Variants in PTPRD observed in about 807,000 individuals in gnomAD.
PTPRD encodes the protein protein tyrosine phosphatase receptor type D.
Under a neutral mutation model 214.5 loss-of-function variants are expected in PTPRD, and 34 were observed. That is an observed-to-expected ratio of 0.16 (90% confidence interval 0.12 to 0.21). The LOEUF is 0.21. Among genes scored for constraint, PTPRD ranks in the 10% least tolerant of loss-of-function variants. PTPRD has a pLI of 1.00. For missense variants in PTPRD, 2,545 were observed against 2,398.7 expected (o/e 1.06, Z -1.27); for synonymous variants, 1,128 against 845.7 (o/e 1.33, Z -5.79).
At position 10,454,370 on chromosome 9, in the gene PTPRD, A is replaced by C. The variant is rs377723090; in HGVS notation, c.-599-113353T>G. The stretch of plus-strand genomic sequence containing the variant: ...AGGGTTTTACAGTCTAATCATGACA[A>C]TACATCTCCAGGATCCTTGAGCCAA... On this transcript the variant is annotated intron_variant, in intron 2 of 45. Transcript: ENST00000381196. Among the ~76,000 whole-genome samples, 11 of 151,586 alleles carry C rather than the reference A, an allele frequency of 7.3e-5. No homozygotes were observed. In the East Asian group the frequency reaches 1.9e-3, roughly 27 times the overall value.
At chr9:8,718,761 C>A (rs1016353532) in intron 12 of PTPRD, among the ~76,000 whole-genome samples, 2 of 152,160 alleles carry the variant, frequency 1.3e-5, no homozygotes, top group East Asian at 3.9e-4. Flanking sequence ...GACCATAGTT[C>A]GTTCTTAAAT....
intron 2 of PTPRD, among the ~76,000 whole-genome samples, chr9:10,581,969 A>C (rs1438804649): frequency 6.6e-6 from 1 of 152,224 alleles, no homozygotes; most frequent in African/African-American, 2.4e-5. Flanking sequence ...CCTAGAATTA[A>C]GCATTTATGC....
intron 8 of PTPRD, among the ~76,000 whole-genome samples, chr9:9,425,978 G>A (rs542381552): frequency 4.6e-5 from 7 of 152,268 alleles, no homozygotes; most frequent in African/African-American, 1.7e-4. Context: ...CTCCCACCAT[G>A]AGAGACACAG....
rs868868752 is a variant in PTPRD, at chr9:8,455,546, A to C, written c.3875+4865T>G. ...TACTAAGTTTTTCTTAATGCCAATG[A>C]AATATATACCCAAGTGGCTGGAATA... On this transcript the variant is annotated intron_variant, in intron 33 of 45. Transcript: ENST00000381196. Among the ~76,000 whole-genome samples, 5 of 152,330 alleles carry C rather than the reference A, an allele frequency of 3.3e-5. No individual in the cohort carries two copies. In the South Asian group the frequency reaches 8.3e-4, roughly 25 times the overall value.
intron 3 of PTPRD, among the ~76,000 whole-genome samples, chr9:10,284,740 T>C (rs77018345): frequency 0.033 from 4,972 of 152,138 alleles, 292 homozygotes; most frequent in African/African-American, 0.11. Context: ...TTCCTTGCAG[T>C]TGTACAACTC....
chr9:9,502,002 T>A (rs2096432416), intron 8 of PTPRD, among the ~76,000 whole-genome samples: 1 of 151,854 alleles, frequency 6.6e-6, no homozygotes, highest in African/African-American at 2.4e-5. Flanking sequence ...ATACACATAG[T>A]CTACAACTTG....
chr9:9,846,370 T>G lies in PTPRD; in HGVS notation c.-367-79519A>C, dbSNP rs570410948. Among the ~76,000 whole-genome samples the G allele has an allele frequency of 7.9e-5, 12 of 152,244 alleles. No homozygotes were observed. The East Asian group carries it at 2.1e-3, about 27-fold the overall frequency. ...AAGTCTAGGTAAGAAATCAGACTTG[T>G]GACAAGTAAGCAACTTTCATATGAA... On this transcript the variant is annotated intron_variant, in intron 5 of 45. Transcript: ENST00000381196.
intron 14 of PTPRD, among the ~76,000 whole-genome samples, chr9:8,561,179 T>G (rs1190070090): frequency 1.3e-5 from 2 of 152,192 alleles, no homozygotes; most frequent in Admixed American, 1.3e-4. Context: ...CTAATTGGTT[T>G]TCTACACTGT....
chr9:10,115,125 G>T (rs990802060), intron 3 of PTPRD, among the ~76,000 whole-genome samples: 1 of 151,818 alleles, frequency 6.6e-6, no homozygotes, highest in Admixed American at 6.6e-5. Context: ...TACAGAAGCA[G>T]TAAAAATACG....
Position 8,486,237 on chromosome 9 carries a change from A to C in PTPRD, c.2580T>G (p.Phe860Leu). The change falls in exon 28 of 46, where the codon TTT (phenylalanine) becomes TTG (leucine). Residue 860 changes from phenylalanine to leucine, a missense_variant. Phe to Leu is a conservative substitution (Grantham distance 22, BLOSUM62 0). Transcript: ENST00000381196. ...FGPLQGYRLK[F>L]GRKDMEPLTT... ...TAAGTGGCTCCATATCCTTGCGGCC[A>C]AATTTTAGACGGTAGCCCTGAAGAG... 2.5e-6 allele frequency: 4 copies of C among 1,614,210 alleles called. No homozygotes were observed. Among genetic ancestry groups the C allele is most frequent in the Non-Finnish European group, 3.4e-6 (4 of 1,180,028 alleles).
intron 11 of PTPRD, among the ~76,000 whole-genome samples, chr9:8,743,792 A>C (rs2092425239): frequency 1.2e-5 from 1 of 81,490 alleles, no homozygotes; most frequent in South Asian, 5.5e-4. Context: ...CACAGCAAAA[A>C]ATAACAATAA....
At chr9:10,258,663 T>C (rs2093465529) in intron 3 of PTPRD, among the ~76,000 whole-genome samples, 1 of 152,216 alleles carries the variant, frequency 6.6e-6, no homozygotes, top group African/African-American at 2.4e-5. Context: ...TGGTATTGCC[T>C]ATAGAAATAC....
At chr9:10,072,295 C>CTAAAA (rs1316393399) in intron 3 of PTPRD, among the ~76,000 whole-genome samples, 5 of 151,878 alleles carry the variant, frequency 3.3e-5, no homozygotes, top group African/African-American at 1.2e-4. Flanking sequence ...AGCAGAGTAG[C>CTAAAA]TAAAATAAAA....
At chr9:10,327,894 T>C (rs1951785) in intron 3 of PTPRD, among the ~76,000 whole-genome samples, 12,685 of 151,762 alleles carry the variant, frequency 0.084, 1,204 homozygotes, top group African/African-American at 0.2. Context: ...TTGATACCTA[T>C]TTGAAAGAAC....
intron 14 of PTPRD, among the ~76,000 whole-genome samples, chr9:8,541,794 G>A (rs186051378): frequency 3.7e-4 from 56 of 152,106 alleles, no homozygotes; most frequent in Admixed American, 2.6e-4. Context: ...ATTTCTTTTC[G>A]AAATGTTTGA....
intron 2 of PTPRD, among the ~76,000 whole-genome samples, chr9:10,373,396 A>AGATTAT (rs1356769822): frequency 6.6e-6 from 1 of 152,078 alleles, no homozygotes; most frequent in Non-Finnish European, 1.5e-5. Context: ...TCTAACATTC[A>AGATTAT]GATTATTTTG....
intron 35 of PTPRD, among the ~76,000 whole-genome samples, chr9:8,427,479 G>A (rs962073038): frequency 2.6e-5 from 4 of 152,020 alleles, no homozygotes; most frequent in South Asian, 2.1e-4. Flanking sequence ...GCTGTGTGCC[G>A]AGCGGTGAGC....
chr9:9,558,736 G>T (rs891070650), intron 8 of PTPRD, among the ~76,000 whole-genome samples: 4 of 152,158 alleles, frequency 2.6e-5, no homozygotes, highest in African/African-American at 9.7e-5. Context: ...TAAACCATAT[G>T]TTATCAGTAC....
intron 3 of PTPRD, among the ~76,000 whole-genome samples, chr9:10,134,987 G>A (rs561669567): frequency 1.8e-4 from 28 of 152,118 alleles, no homozygotes; most frequent in Middle Eastern, 6.8e-3. Flanking sequence ...CCAGGAAAAC[G>A]GTCCAACAGC....
Sources: allele counts gnomAD v4.1 joint callset (sites outside exome capture counted in the v4.1 genomes callset), GRCh38; gene constraint gnomAD v4.1.1; transcripts MANE v1.5; gene names NCBI Gene and HGNC (gene_info 2026-07-23, HGNC 2026-07-21).